GRB10: variants seen among roughly 807,000 people sequenced by gnomAD.
GRB10 encodes the protein growth factor receptor bound protein 10.
In GRB10, 20 loss-of-function variants were observed where a neutral mutation model predicts 80.9. The ratio of observed to expected loss-of-function variants is 0.25; its 90% CI spans 0.17 to 0.36. The LOEUF (loss-of-function observed/expected upper bound fraction) is 0.36. GRB10 is among the 10% of genes least tolerant of loss of function. The probability of loss-of-function intolerance (pLI) is 1.00; values close to 1 mark genes in which losing one functional copy is unlikely to be tolerated. For synonymous variants in GRB10, 291 were observed against 291.5 expected (o/e 1.00, Z 0.02); for missense variants, 548 against 747.7 (o/e 0.73, Z 3.12).
intron 4 of GRB10, among the ~76,000 whole-genome samples, chr7:50,712,711 T>C (rs1381330184): frequency 1.3e-5 from 2 of 152,242 alleles, no homozygotes; most frequent in African/African-American, 4.8e-5. Flanking sequence ...GCAAAAGTAG[T>C]GCATGAGCTG....
At position 50,616,270 on chromosome 7, in the gene GRB10, T is replaced by C. The variant is rs753199250; in HGVS notation, c.924A>G (p.Lys308=). The part of the protein sequence containing the change: ...HVKELGKKSW[K]KLYVCLRRSG... ...ATCTCCGCAAACACACATACAGCTT[T>C]TTCCATGATTTCTTTCCCAGCTCTT... is the stretch of plus-strand genomic sequence containing the variant. The change falls in exon 11 of 19, where the codon AAA becomes AAG. Residue 308 remains lysine (K), a synonymous_variant. Coordinates refer to ENST00000401949, the MANE Select transcript of GRB10 (RefSeq NM_001350814.2). The C allele has an allele frequency of 1.2e-6, 2 of 1,614,218 alleles. No homozygotes were observed. The highest frequency in any genetic ancestry group is 1.1e-5 in the South Asian group (1 of 91,084).
intron 7 of GRB10, among the ~76,000 whole-genome samples, chr7:50,658,344 TA>T (rs1185830546): frequency 2.6e-5 from 4 of 152,232 alleles, no homozygotes; most frequent in Admixed American, 6.5e-5. Context: ...GTGCATTGTC[TA>T]GTGGTTCCCC....
At chr7:50,792,262 A>C (rs2078951917) in intron 1 of GRB10, among the ~76,000 whole-genome samples, 1 of 150,368 alleles carries the variant, frequency 6.7e-6, no homozygotes, top group Admixed American at 6.6e-5. Context: ...TCTTGAATGA[A>C]ACTGGGCACC....
At chr7:50,748,257 G>A (rs917447398) in intron 3 of GRB10, among the ~76,000 whole-genome samples, 1 of 152,214 alleles carries the variant, frequency 6.6e-6, no homozygotes, top group African/African-American at 2.4e-5. Context: ...CACCCTGGAG[G>A]AGGCCCCGTG....
At chr7:50,767,836 T>C (rs1437759393) in intron 2 of GRB10, among the ~76,000 whole-genome samples, 4 of 152,118 alleles carry the variant, frequency 2.6e-5, no homozygotes, top group Admixed American at 2.6e-4. Flanking sequence ...CATCTACCAC[T>C]TTGCTCCTGT....
intron 7 of GRB10, among the ~76,000 whole-genome samples, chr7:50,639,519 A>G (rs534562066): frequency 1.1e-4 from 17 of 152,132 alleles, no homozygotes; most frequent in African/African-American, 4.1e-4. Context: ...TAAAAATACA[A>G]AAAATTAGCC....
intron 4 of GRB10, among the ~76,000 whole-genome samples, chr7:50,710,346 T>C (rs1466836950): frequency 6.6e-6 from 1 of 151,324 alleles, no homozygotes. Context: ...AAGCCCAGGC[T>C]TCAGCAAAAA....
upstream of GRB10, among the ~76,000 whole-genome samples, chr7:50,783,498 TAC>T (rs1364074721): frequency 1.4e-5 from 2 of 145,722 alleles, no homozygotes; most frequent in Non-Finnish European, 3.0e-5. Flanking sequence ...CACACATACA[TAC>T]ACACCACACA....
chr7:50,606,421 A>G lies in GRB10; in HGVS notation c.1195-7T>C. 6.2e-7 allele frequency: 1 copy of G among 1,612,092 alleles called. No homozygotes were observed. Among genetic ancestry groups the G allele is most frequent in the East Asian group, 2.2e-5 (1 of 44,870 alleles). ...GGTAAAGGAGCATTCCATACTGGAG[A>G]GGAGAAGCCACAGTTAGTCACCGGC... On this transcript the variant is annotated splice_region_variant and splice_polypyrimidine_tract_variant and intron_variant, in intron 13 of 18. Transcript: ENST00000401949.
rs1277200162 is a variant in GRB10, at chr7:50,756,071, G to A, written c.-216-15C>T. ...CAGCGCCAAAGCTGGAAAGTCAAAC[G>A]GGCCATCACTGAACTTCCGTAGAAT... On this transcript the variant is annotated splice_polypyrimidine_tract_variant and intron_variant, in intron 2 of 18. Coordinates refer to ENST00000401949, the MANE Select transcript of GRB10 (RefSeq NM_001350814.2). The A allele has an allele frequency of 5.0e-6, 2 of 398,456 alleles. No individual in the cohort carries two copies. Among genetic ancestry groups the A allele is most frequent in the Admixed American group, 4.4e-5 (1 of 22,724 alleles). The allele number at this position is 398,456 out of a possible 1,614,324, so 24.7% of individuals were successfully genotyped here. A position where few individuals can be genotyped will look rare whatever the true frequency, so the allele number is the denominator to read the frequency against.
At chr7:50,718,391 C>A (rs2067211707) in intron 4 of GRB10, among the ~76,000 whole-genome samples, 1 of 152,172 alleles carries the variant, frequency 6.6e-6, no homozygotes, top group African/African-American at 2.4e-5. Context: ...TCCTTATCCA[C>A]CTATGAACTG....
intron 7 of GRB10, among the ~76,000 whole-genome samples, chr7:50,653,006 C>T (rs1035624904): frequency 2.0e-5 from 3 of 152,166 alleles, no homozygotes; most frequent in African/African-American, 7.2e-5. Flanking sequence ...TACTGGAATA[C>T]AATGAAGAAT....
chr7:50,629,229 T>G (rs917051647), intron 7 of GRB10, among the ~76,000 whole-genome samples: 4 of 152,216 alleles, frequency 2.6e-5, no homozygotes, highest in Non-Finnish European at 2.9e-5. Flanking sequence ...CCACTTTTCT[T>G]GTTCAAATCA....
intron 13 of GRB10, among the ~76,000 whole-genome samples, chr7:50,610,522 A>G (rs1323732426): frequency 6.6e-6 from 1 of 152,220 alleles, no homozygotes; most frequent in Non-Finnish European, 1.5e-5. Flanking sequence ...GAATGCATTC[A>G]GAACTCACGG....
intron 7 of GRB10, among the ~76,000 whole-genome samples, chr7:50,666,999 C>A (rs2059883518): frequency 7.0e-6 from 1 of 142,186 alleles, no homozygotes; most frequent in African/African-American, 2.6e-5. Flanking sequence ...GAGATTGCGC[C>A]ACTGCACTCC....
intron 7 of GRB10, among the ~76,000 whole-genome samples, chr7:50,641,480 C>A (rs2153607122): frequency 6.6e-6 from 1 of 152,318 alleles, no homozygotes; most frequent in East Asian, 1.9e-4. Flanking sequence ...AACAAGGACA[C>A]ATTCATGAGA....
chr7:50,751,507 G>A (rs1417955600), intron 3 of GRB10, among the ~76,000 whole-genome samples: 2 of 152,156 alleles, frequency 1.3e-5, no homozygotes, highest in Admixed American at 1.3e-4. Context: ...ATTCCTTTAT[G>A]CAACACTCTA....
chr7:50,681,332 C>T (rs1181732949), intron 5 of GRB10, among the ~76,000 whole-genome samples: 1 of 152,234 alleles, frequency 6.6e-6, no homozygotes, highest in East Asian at 1.9e-4. Context: ...CAGCCCTGAG[C>T]TGCATCCCTG....
chr7:50,611,184 A>C (rs1417065610), intron 13 of GRB10, among the ~76,000 whole-genome samples: 1 of 152,222 alleles, frequency 6.6e-6, no homozygotes, highest in African/African-American at 2.4e-5. Context: ...GCATACCATC[A>C]AATACAAATA....
Sources: gnomAD v4.1 joint callset for allele counts (sites outside exome capture counted in the v4.1 genomes callset) on GRCh38, gnomAD v4.1.1 for gene constraint, MANE v1.5 for transcripts, NCBI Gene and HGNC (gene_info 2026-07-23, HGNC 2026-07-21) for gene names.